Variants in PRR5L observed in about 807,000 individuals in gnomAD.
The protein encoded by PRR5L is proline-rich protein 5-like.
PRR5L carries 21 observed loss-of-function variants against 36.4 expected under a neutral mutation model. That is an observed-to-expected ratio of 0.58 (90% CI 0.41 to 0.83). The LOEUF is 0.83. PRR5L is among the 40% of genes least tolerant of loss of function. PRR5L has a pLI of 0.00. For missense variants in PRR5L, 381 were observed against 473.3 expected (o/e 0.80, Z 1.81); for synonymous variants, 188 against 197.0 (o/e 0.95, Z 0.38).
chr11:36,376,171 C>T (rs974748589), intron 1 of PRR5L: 8 of 1,301,600 alleles, frequency 6.1e-6, no homozygotes, highest in Non-Finnish European at 8.1e-6. Context: ...AAGTGCAGGG[C>T]CCCCCTCTCC....
At chr11:36,360,195 CAATGACA>C (rs2133500923) in intron 1 of PRR5L, among the ~76,000 whole-genome samples, 1 of 152,176 alleles carries the variant, frequency 6.6e-6, no homozygotes, top group Non-Finnish European at 1.5e-5. Context: ...AGTAGAATGA[CAATGACA>C]TACTGTTCTT....
rs1422517774 is a variant in PRR5L, at chr11:36,320,082, A to G, written c.-126+23644A>G. ...AGCAGGTGCCCTGCAAATGCAGTTC[A>G]TCAAAGGCAGTCTTGTGTATTAGAA... On this transcript the variant is annotated intron_variant, in intron 1 of 8. Coordinates refer to ENST00000530639, the MANE Select transcript of PRR5L (RefSeq NM_001160167.2). 3.3e-5 allele frequency among the ~76,000 whole-genome samples: 5 copies of G among 152,174 alleles called. No individual in the cohort carries two copies. In the East Asian group the frequency reaches 9.6e-4, roughly 29 times the overall value.
chr11:36,347,814 G>T (rs1856882522), intron 1 of PRR5L, among the ~76,000 whole-genome samples: 1 of 151,952 alleles, frequency 6.6e-6, no homozygotes, highest in South Asian at 2.1e-4. Flanking sequence ...CCTGGTCTCT[G>T]CAAGATTCAG....
chr11:36,422,435 T>A (rs1055394131), intron 4 of PRR5L, among the ~76,000 whole-genome samples: 1 of 151,978 alleles, frequency 6.6e-6, no homozygotes, highest in African/African-American at 2.4e-5. Flanking sequence ...TTGGGAAAGG[T>A]GAAAGATGGG....
chr11:36,446,532 C>A, intron 7 of PRR5L, 92 bp downstream of exon 7: 2 of 1,484,824 alleles, frequency 1.3e-6, no homozygotes, highest in Non-Finnish European at 1.8e-6. Flanking sequence ...AACCTAGTGA[C>A]CAGAGCACCT....
At chr11:36,299,978 A>T (rs927035375) in intron 1 of PRR5L, among the ~76,000 whole-genome samples, 1 of 152,148 alleles carries the variant, frequency 6.6e-6, no homozygotes. Flanking sequence ...GAGCTTTCTT[A>T]AGTATGTTGT....
intron 1 of PRR5L, among the ~76,000 whole-genome samples, chr11:36,328,601 G>A (rs1037984545): frequency 6.6e-6 from 1 of 152,270 alleles, no homozygotes; most frequent in South Asian, 2.1e-4. Context: ...GGAACCATGA[G>A]CCAATCAGAT....
intron 1 of PRR5L, among the ~76,000 whole-genome samples, chr11:36,351,784 T>TATTTATATATA (rs61146122): frequency 2.8e-5 from 3 of 107,818 alleles, no homozygotes; most frequent in Non-Finnish European, 3.6e-5. Flanking sequence ...TATTTATATA[T>TATTTATATATA]TTTTTTTATA....
chr11:36,321,872 G>A (rs1366092318), intron 1 of PRR5L, among the ~76,000 whole-genome samples: 1 of 152,138 alleles, frequency 6.6e-6, no homozygotes, highest in Non-Finnish European at 1.5e-5. Context: ...GTGTCTTCAC[G>A]GGGCCTTCCC....
intron 1 of PRR5L, among the ~76,000 whole-genome samples, chr11:36,342,373 G>A (rs1856825720): frequency 6.6e-6 from 1 of 152,162 alleles, no homozygotes; most frequent in African/African-American, 2.4e-5. Context: ...ACAAAGGGGA[G>A]TGTTATTATT....
chr11:36,380,224 A>T (rs1857344618), intron 1 of PRR5L, among the ~76,000 whole-genome samples: 1 of 152,158 alleles, frequency 6.6e-6, no homozygotes, highest in Non-Finnish European at 1.5e-5. Context: ...TAGTGATGCC[A>T]CAGAAGAAGG....
intron 6 of PRR5L, among the ~76,000 whole-genome samples, chr11:36,445,059 A>T (rs573193603): frequency 6.6e-6 from 1 of 152,296 alleles, no homozygotes; most frequent in African/African-American, 2.4e-5. Context: ...TCTATTTATA[A>T]TTTTTTATGG....
At position 36,431,915 on chromosome 11, in the gene PRR5L, G is replaced by A. The variant is rs1488043773; in HGVS notation, c.352+5G>A. On this transcript the variant is annotated splice_donor_5th_base_variant and intron_variant, in intron 5 of 8. Coordinates refer to ENST00000530639, the MANE Select transcript of PRR5L (RefSeq NM_001160167.2). Reference sequence around the variant, plus strand: ...AGAAGATCAAGCTGTGTGAAGGCAAGTACAAGACAGCCCTGGTAGACTGGG... The same window carrying A: ...AGAAGATCAAGCTGTGTGAAGGCAAATACAAGACAGCCCTGGTAGACTGGG... 1.9e-6 allele frequency: 3 copies of A among 1,613,188 alleles called. No individual in the cohort carries two copies. The highest frequency in any genetic ancestry group is 3.3e-5 in the Admixed American group (2 of 59,996).
chr11:36,319,937 C>T (rs867807122), intron 1 of PRR5L, among the ~76,000 whole-genome samples: 13 of 152,050 alleles, frequency 8.5e-5, no homozygotes, highest in African/African-American at 2.2e-4. Flanking sequence ...CAAGGCTGCA[C>T]GCAGGAGGAA....
intron 8 of PRR5L, among the ~76,000 whole-genome samples, chr11:36,460,752 C>T (rs1167068244): frequency 6.6e-6 from 1 of 152,240 alleles, no homozygotes; most frequent in Non-Finnish European, 1.5e-5. Flanking sequence ...CTATGACCTT[C>T]GATGTTAACT....
chr11:36,311,751 C>T (rs1182754161), intron 1 of PRR5L, among the ~76,000 whole-genome samples: 4 of 152,078 alleles, frequency 2.6e-5, no homozygotes, highest in Non-Finnish European at 5.9e-5. Context: ...TGGTGGATAG[C>T]GTTGGAATTT....
intron 3 of PRR5L, among the ~76,000 whole-genome samples, chr11:36,418,187 C>T (rs1053581243): frequency 3.3e-5 from 5 of 152,160 alleles, no homozygotes; most frequent in African/African-American, 2.4e-5. Flanking sequence ...GCTAGAACAA[C>T]GTGTAACACA....
rs1179396518 is a variant in PRR5L at position 36,350,995 on chromosome 11, T to G, written c.-125-50002T>G. 1.7e-4 allele frequency among the ~76,000 whole-genome samples: 14 copies of G among 84,526 alleles called. 4 individuals carry two copies. The highest frequency in any genetic ancestry group is 2.4e-4 in the African/African-American group (4 of 16,472). The allele number at this position is 84,526 out of a possible 152,430, so 55.5% of individuals were successfully genotyped here. On this transcript the variant is annotated intron_variant, in intron 1 of 8. Coordinates refer to ENST00000530639, the MANE Select transcript of PRR5L (RefSeq NM_001160167.2). Reference sequence around the variant, plus strand: ...TTATATATATTTATATATTTATATATTTATATATATTTATATAGTTATATA... The same window carrying G: ...TTATATATATTTATATATTTATATAGTTATATATATTTATATAGTTATATA...
chr11:36,375,812 A>G (rs143064793), intron 1 of PRR5L, among the ~76,000 whole-genome samples: 1 of 152,374 alleles, frequency 6.6e-6, no homozygotes, highest in East Asian at 1.9e-4. Flanking sequence ...CTGCAGTTAG[A>G]AAATGAGTTT....
Sources: allele counts gnomAD v4.1 joint callset (sites outside exome capture counted in the v4.1 genomes callset), GRCh38; gene constraint gnomAD v4.1.1; transcripts MANE v1.5; gene names NCBI Gene and HGNC (gene_info 2026-07-23, HGNC 2026-07-21).